Variants in SIMC1 observed in about 807,000 individuals in gnomAD.
SIMC1 encodes SUMO-interacting motif-containing protein 1.
A neutral mutation model predicts 82.3 loss-of-function variants in SIMC1; 55 were observed. That is an observed-to-expected ratio of 0.67 (90% CI 0.54 to 0.84). The LOEUF (loss-of-function observed/expected upper bound fraction) is 0.84, where lower values mean the gene tolerates loss of function less well. Ranked by LOEUF, SIMC1 falls within the 40% of genes least tolerant of loss-of-function variation. The probability of loss-of-function intolerance (pLI) is 0.00; values close to 1 mark genes in which losing one functional copy is unlikely to be tolerated. For synonymous variants in SIMC1, 353 were observed against 426.3 expected (o/e 0.83, Z 2.12); for missense variants, 915 against 1,107.2 (o/e 0.83, Z 2.46).
intron 9 of SIMC1, among the ~76,000 whole-genome samples, chr5:176,341,866 C>T (rs1274009371): frequency 6.6e-6 from 1 of 152,100 alleles, no homozygotes; most frequent in Non-Finnish European, 1.5e-5. Flanking sequence ...TGGCTCAAAC[C>T]CTTTTCAATG....
chr5:176,246,304 C>G (rs1761439542), intron 1 of SIMC1, among the ~76,000 whole-genome samples: 1 of 152,134 alleles, frequency 6.6e-6, no homozygotes, highest in South Asian at 2.1e-4. Context: ...GCCACCACGC[C>G]TGGCCAAGTG....
intron 5 of SIMC1, among the ~76,000 whole-genome samples, chr5:176,316,254 C>T (rs1764898356): frequency 1.3e-5 from 2 of 152,042 alleles, no homozygotes; most frequent in African/African-American, 2.4e-5. Flanking sequence ...TTATGCTTTG[C>T]GAGCCTAGGC....
Position 176,345,245 on chromosome 5 carries a change from C to A in SIMC1, c.2476C>A (p.Pro826Thr). 1.2e-6 allele frequency: 2 copies of A among 1,613,984 alleles called. No individual in the cohort carries two copies. The highest frequency in any genetic ancestry group is 1.7e-6 in the Non-Finnish European group (2 of 1,179,892). Residue 826 changes from proline to threonine, a missense_variant, in exon 10 of 10, where the codon CCC (proline) becomes ACC (threonine). This residue lies in a region of SIMC1 where 902 missense variants were observed against 1,040.3 expected (regional missense o/e 0.87). Coordinates refer to ENST00000429602, the MANE Select transcript of SIMC1 (RefSeq NM_001308195.2). ...DLIIKRIKPKPQQGDDITVVD... is the reference protein window; with the variant it reads ...DLIIKRIKPKTQQGDDITVVD... ...AATAATCAAAAGGATTAAGCCCAAA[C>A]CCCAGCAAGGAGATGACATCACAGT...
intron 4 of SIMC1, among the ~76,000 whole-genome samples, chr5:176,309,307 T>C (rs1422175237): frequency 6.6e-6 from 1 of 152,216 alleles, no homozygotes. Context: ...GCTGGAGCAA[T>C]TAGACACCCA....
At chr5:176,323,040 T>C (rs1218160394) in intron 6 of SIMC1, among the ~76,000 whole-genome samples, 4 of 152,226 alleles carry the variant, frequency 2.6e-5, no homozygotes, top group African/African-American at 9.6e-5. Flanking sequence ...TCAATCATAT[T>C]GTGAAAAGCC....
chr5:176,268,715 T>A (rs1297850350), intron 1 of SIMC1, among the ~76,000 whole-genome samples: 2 of 152,224 alleles, frequency 1.3e-5, no homozygotes, highest in African/African-American at 4.8e-5. Flanking sequence ...ACAGTCAAAC[T>A]ACAACCGTAG....
intron 9 of SIMC1, 115 bp downstream of exon 9, chr5:176,337,261 CTT>C: frequency 5.5e-6 from 5 of 901,526 alleles, no homozygotes; most frequent in Non-Finnish European, 8.7e-6. Context: ...TTGTATGTAA[CTT>C]ATTATAAGGG....
intron 1 of SIMC1, among the ~76,000 whole-genome samples, chr5:176,253,951 C>T (rs1349245322): frequency 6.6e-6 from 1 of 152,056 alleles, no homozygotes; most frequent in African/African-American, 2.4e-5. Context: ...TAGGTGACAC[C>T]TTTTGTAACT....
intron 4 of SIMC1, among the ~76,000 whole-genome samples, chr5:176,297,303 C>T (rs923280378): frequency 2.6e-5 from 4 of 152,052 alleles, no homozygotes; most frequent in African/African-American, 9.7e-5. Flanking sequence ...GAGTTTGAGA[C>T]CAGCCTGCCC....
intron 4 of SIMC1, among the ~76,000 whole-genome samples, chr5:176,303,727 T>C (rs1764144825): frequency 6.6e-6 from 1 of 152,134 alleles, no homozygotes; most frequent in South Asian, 2.1e-4. Context: ...AGAAAGAAGA[T>C]AGACATATGG....
intron 7 of SIMC1, among the ~76,000 whole-genome samples, chr5:176,326,574 A>G (rs899276977): frequency 1.3e-5 from 2 of 151,486 alleles, no homozygotes; most frequent in Non-Finnish European, 2.9e-5. Flanking sequence ...TTATTTATTT[A>G]TTTGTTTTGA....
chr5:176,278,932 C>T (rs1762847734), intron 1 of SIMC1, among the ~76,000 whole-genome samples: 1 of 151,764 alleles, frequency 6.6e-6, no homozygotes, highest in African/African-American at 2.4e-5. Flanking sequence ...GTGTCTCTGC[C>T]CGGCTTTGTT....
At chr5:176,328,712 C>G (rs1765498815) in intron 7 of SIMC1, among the ~76,000 whole-genome samples, 1 of 152,032 alleles carries the variant, frequency 6.6e-6, no homozygotes, top group Admixed American at 6.6e-5. Flanking sequence ...ACAAGTTAAC[C>G]TAACTGTATT....
intron 7 of SIMC1, among the ~76,000 whole-genome samples, chr5:176,336,325 C>A (rs745653724): frequency 6.6e-6 from 1 of 152,122 alleles, no homozygotes; most frequent in African/African-American, 2.4e-5. Context: ...CTTTTGCATA[C>A]CCCTTGCCCC....
chr5:176,280,953 A>G (rs1762978648), intron 1 of SIMC1, among the ~76,000 whole-genome samples: 2 of 152,072 alleles, frequency 1.3e-5, no homozygotes, highest in East Asian at 3.9e-4. Context: ...CGTTCTCTGT[A>G]TTTCCTGAAT....
In SIMC1 at chr5:176,296,339, T is replaced by A; in HGVS notation, c.1734+19T>A. Reference sequence around the variant, plus strand: ...GGAAGAGGTAACAACAATTATAAGATTATATCTTCTGTAGGGGAAGTTTTA... The same window carrying A: ...GGAAGAGGTAACAACAATTATAAGAATATATCTTCTGTAGGGGAAGTTTTA... On this transcript the variant is annotated intron_variant, in intron 4 of 9. Transcript: ENST00000429602. 2 of 1,612,888 alleles carry A rather than the reference T, an allele frequency of 1.2e-6. No homozygotes were observed. Among genetic ancestry groups the A allele is most frequent in the Non-Finnish European group, 1.7e-6 (2 of 1,179,236 alleles).
At chr5:176,245,398 G>C (rs1761403875) in intron 1 of SIMC1, among the ~76,000 whole-genome samples, 1 of 152,106 alleles carries the variant, frequency 6.6e-6, no homozygotes, top group Non-Finnish European at 1.5e-5. Flanking sequence ...AAGAGAACGT[G>C]GCTCTGTAGA....
intron 2 of SIMC1, 85 bp from the exon 3 acceptor site, chr5:176,294,945 A>C: frequency 1.4e-6 from 2 of 1,455,466 alleles, no homozygotes; most frequent in Non-Finnish European, 1.8e-6. Flanking sequence ...AGCCTGGGGA[A>C]CAGAGCAAGA....
At chr5:176,291,615 C>T (rs1187909983) in intron 2 of SIMC1, among the ~76,000 whole-genome samples, 6 of 151,708 alleles carry the variant, frequency 4.0e-5, no homozygotes, top group African/African-American at 7.3e-5. Flanking sequence ...GGATTACAGG[C>T]GTGAGCCACC....
Sources: gnomAD v4.1 joint callset for allele counts (sites outside exome capture counted in the v4.1 genomes callset) on GRCh38, gnomAD v4.1.1 for gene constraint, gnomAD v4.1.1 regional missense constraint, MANE v1.5 for transcripts, NCBI Gene and HGNC (gene_info 2026-07-23, HGNC 2026-07-21) for gene names.